The following NEO1 variants were observed in gnomAD, a reference collection of about 807,000 sequenced individuals.
The protein encoded by NEO1 is neogenin 1.
In NEO1, 63 loss-of-function variants were observed where a neutral mutation model predicts 159.7. The observed-to-expected ratio is 0.39, with a 90% CI of 0.32 to 0.49. The LOEUF (loss-of-function observed/expected upper bound fraction) is 0.49, where lower values mean the gene tolerates loss of function less well. NEO1 is among the 20% of genes least tolerant of loss of function. The pLI is 0.85. For missense variants in NEO1, 1,615 were observed against 1,831.0 expected (o/e 0.88, Z 2.15); for synonymous variants, 633 against 662.0 (o/e 0.96, Z 0.67).
At chr15:73,186,191 T>G (rs1294976308) in intron 7 of NEO1, among the ~76,000 whole-genome samples, 1 of 151,376 alleles carries the variant, frequency 6.6e-6, no homozygotes, top group Non-Finnish European at 1.5e-5. Flanking sequence ...AAATGTGAGC[T>G]AGAAGACACT....
intron 3 of NEO1, among the ~76,000 whole-genome samples, chr15:73,125,623 T>G (rs11630460): frequency 0.087 from 13,296 of 152,270 alleles, 677 homozygotes; most frequent in South Asian, 0.11. Flanking sequence ...AAACTCAATA[T>G]TAAGTTAATA....
intron 11 of NEO1, among the ~76,000 whole-genome samples, chr15:73,250,660 T>C (rs1164791078): frequency 6.6e-6 from 1 of 152,202 alleles, no homozygotes; most frequent in East Asian, 1.9e-4. Context: ...AAAAAATTTT[T>C]ATTTTAACTG....
chr15:73,102,619 CT>C (rs1215367234), intron 1 of NEO1, among the ~76,000 whole-genome samples: 1 of 152,188 alleles, frequency 6.6e-6, no homozygotes, highest in Non-Finnish European at 1.5e-5. Context: ...ATCTTCCTTT[CT>C]GATATATTCC....
At chr15:73,086,896 T>G (rs563066893) in intron 1 of NEO1, among the ~76,000 whole-genome samples, 28 of 152,196 alleles carry the variant, frequency 1.8e-4, no homozygotes, top group African/African-American at 6.3e-4. Context: ...TCTCATGTGA[T>G]TCACCTGCCT....
At chr15:73,125,192 T>A (rs1359432423) in intron 3 of NEO1, among the ~76,000 whole-genome samples, 1 of 152,074 alleles carries the variant, frequency 6.6e-6, no homozygotes, top group Non-Finnish European at 1.5e-5. Flanking sequence ...TCAAACATAG[T>A]TTTCTTGAGC....
At chr15:73,157,488 T>G (rs758938661) in intron 5 of NEO1, among the ~76,000 whole-genome samples, 29 of 152,158 alleles carry the variant, frequency 1.9e-4, no homozygotes, top group African/African-American at 6.8e-4. Flanking sequence ...GTCAAGGTGC[T>G]CTCCTACAGC....
chr15:73,277,208 G>T (rs1013032275), intron 21 of NEO1, among the ~76,000 whole-genome samples: 3 of 152,182 alleles, frequency 2.0e-5, no homozygotes, highest in Non-Finnish European at 4.4e-5. Context: ...TCATAAAACA[G>T]CTTTTACTTT....
At chr15:73,224,396 A>G (rs1459140587) in intron 7 of NEO1, among the ~76,000 whole-genome samples, 1 of 152,168 alleles carries the variant, frequency 6.6e-6, no homozygotes, top group East Asian at 1.9e-4. Context: ...ACATTTTCCA[A>G]ATATGTTTTC....
intron 12 of NEO1, 92 bp downstream of exon 12, chr15:73,253,541 C>G: frequency 1.2e-6 from 1 of 812,396 alleles, no homozygotes; most frequent in Non-Finnish European, 1.9e-6. Flanking sequence ...AGGAAAGCAT[C>G]AAAATAAATG....
intron 1 of NEO1, among the ~76,000 whole-genome samples, chr15:73,099,184 G>T (rs1008658321): frequency 1.3e-5 from 2 of 152,086 alleles, no homozygotes; most frequent in African/African-American, 4.8e-5. Context: ...TTCTTCTGAT[G>T]CTGTTAACTT....
At chr15:73,101,492 C>G (rs2070399635) in intron 1 of NEO1, among the ~76,000 whole-genome samples, 2 of 152,214 alleles carry the variant, frequency 1.3e-5, no homozygotes, top group Non-Finnish European at 2.9e-5. Flanking sequence ...TTGCAGCCAC[C>G]TTGGCCTCCC....
chr15:73,243,937 C>T (rs1280060828), intron 8 of NEO1, among the ~76,000 whole-genome samples: 1 of 152,100 alleles, frequency 6.6e-6, no homozygotes, highest in Non-Finnish European at 1.5e-5. Context: ...ATATACACAG[C>T]ATTCTTTGAT....
In NEO1 at chr15:73,122,680, C is replaced by G. The variant is rs1469436636; in HGVS notation, c.604C>G (p.Pro202Ala). ...LLLDDRVIKL[P>A]SGMLVISNAT... ...TCTGGATGATAGAGTTATCAAACTT[C>G]CAAGTGGAATGCTGGTTATCAGCAA... Residue 202 changes from proline to alanine, a missense_variant, in exon 3 of 29, where the codon CCA (proline) becomes GCA (alanine). By Grantham distance (27) the Pro-to-Ala change is conservative (BLOSUM62 -1). Transcript: ENST00000261908. 1 of 1,614,092 alleles carries G rather than the reference C, an allele frequency of 6.2e-7. No individual in the cohort carries two copies. Among genetic ancestry groups the G allele is most frequent in the African/African-American group, 1.3e-5 (1 of 75,022 alleles).
chr15:73,233,558 G>GATA (rs1295335756), intron 7 of NEO1, among the ~76,000 whole-genome samples: 4 of 152,054 alleles, frequency 2.6e-5, no homozygotes, highest in Admixed American at 6.5e-5. Flanking sequence ...AGATGAAATT[G>GATA]ATACATATTT....
chr15:73,303,871 C>T lies in NEO1; in HGVS notation c.*1175C>T, dbSNP rs1263664505. The stretch of plus-strand genomic sequence containing the variant: ...GACCCTTTCCTGCTGCTATTATTGG[C>T]TCTCTTTGAGGAAGTTGGAGGTTAA... On this transcript the variant is annotated 3_prime_UTR_variant, in exon 29 of 29. Coordinates refer to ENST00000261908, the MANE Select transcript of NEO1 (RefSeq NM_002499.4). The T allele has an allele frequency of 6.6e-6, 1 of 152,212 alleles. No individual in the cohort carries two copies. Among genetic ancestry groups the T allele is most frequent in the African/African-American group, 2.4e-5 (1 of 41,446 alleles). 9.4% of individuals were successfully genotyped at this position (152,212 alleles called of 1,614,324 possible). A position where few individuals can be genotyped will look rare whatever the true frequency, so the allele number is the denominator to read the frequency against.
chr15:73,088,964 A>G (rs2069523923), intron 1 of NEO1, among the ~76,000 whole-genome samples: 1 of 152,144 alleles, frequency 6.6e-6, no homozygotes, highest in Non-Finnish European at 1.5e-5. Context: ...GTTGAGCTTG[A>G]GTTGACTTGA....
At chr15:73,245,904 A>G (rs12050848) in intron 9 of NEO1, among the ~76,000 whole-genome samples, 1 of 151,874 alleles carries the variant, frequency 6.6e-6, no homozygotes, top group African/African-American at 2.4e-5. Context: ...CTTCAGTCTA[A>G]TTTTATTATT....
intron 1 of NEO1, among the ~76,000 whole-genome samples, chr15:73,093,081 A>G (rs2069788867): frequency 6.6e-6 from 1 of 152,090 alleles, no homozygotes; most frequent in African/African-American, 2.4e-5. Flanking sequence ...CTGGTCAGGT[A>G]TTTTATAGAA....
Position 73,213,275 on chromosome 15 carries a change from T to C in NEO1, c.1292-23072T>C, listed in dbSNP as rs1057357575. Among the ~76,000 whole-genome samples the C allele has an allele frequency of 1.4e-4, 21 of 152,200 alleles. 1 individual carries two copies. The highest frequency in any genetic ancestry group is 3.9e-4 in the African/African-American group (16 of 41,452). ...TTATTGGATTTCTCTGTAGCATTTA[T>C]TTATTTTCATTTTTCCGTAAGTTAT... On this transcript the variant is annotated intron_variant, in intron 7 of 28. Coordinates refer to ENST00000261908, the MANE Select transcript of NEO1 (RefSeq NM_002499.4).
Sources: gnomAD v4.1 joint callset for allele counts (sites outside exome capture counted in the v4.1 genomes callset) on GRCh38, gnomAD v4.1.1 for gene constraint, MANE v1.5 for transcripts, NCBI Gene and HGNC (gene_info 2026-07-23, HGNC 2026-07-21) for gene names.